Variants in SNTG2 observed in about 807,000 individuals in gnomAD.
SNTG2 encodes the protein syntrophin gamma 2.
SNTG2 carries 74 observed loss-of-function variants against 70.9 expected under a neutral mutation model. The observed-to-expected ratio is 1.04, with a 90% CI of 0.86 to 1.27. SNTG2 has a LOEUF of 1.27. Among genes scored for constraint, SNTG2 ranks in the 50% most tolerant of loss-of-function variants. SNTG2 has a pLI of 0.00. For missense variants in SNTG2, 717 were observed against 690.7 expected, an observed-to-expected ratio of 1.04 and a Z score of -0.43; for synonymous variants, 278 against 273.8, an observed-to-expected ratio of 1.02 and a Z score of -0.15.
intron 14 of SNTG2, among the ~76,000 whole-genome samples, chr2:1,294,422 G>T (rs1680116990): frequency 6.6e-6 from 1 of 152,212 alleles, no homozygotes; most frequent in South Asian, 2.1e-4. Flanking sequence ...AGAAATGAAT[G>T]AATTTATAAG....
chr2:1,222,267 G>A (rs922845655), intron 9 of SNTG2, among the ~76,000 whole-genome samples: 50 of 152,246 alleles, frequency 3.3e-4, no homozygotes, highest in African/African-American at 9.9e-4. Context: ...AGGGATTAGC[G>A]CCCTGTCTAT....
At chr2:1,002,597 C>G (rs564497024) in intron 1 of SNTG2, among the ~76,000 whole-genome samples, 9 of 150,680 alleles carry the variant, frequency 6.0e-5, no homozygotes, top group Non-Finnish European at 1.3e-4. Flanking sequence ...AAATTAAAAA[C>G]AGATGTGTAT....
At chr2:955,483 T>C (rs1247077202) in intron 1 of SNTG2, among the ~76,000 whole-genome samples, 1 of 152,234 alleles carries the variant, frequency 6.6e-6, no homozygotes, top group Non-Finnish European at 1.5e-5. Flanking sequence ...ACTTTCTTCT[T>C]GTACTCAGCC....
At chr2:1,085,633 A>T (rs749092711) in intron 2 of SNTG2, among the ~76,000 whole-genome samples, 22 of 152,384 alleles carry the variant, frequency 1.4e-4, no homozygotes, top group Non-Finnish European at 2.8e-4. Flanking sequence ...AACAAAGCCA[A>T]CAGGTCTCTA....
chr2:1,036,987 A>C (rs984411099), intron 1 of SNTG2, among the ~76,000 whole-genome samples: 2 of 119,808 alleles, frequency 1.7e-5, no homozygotes, highest in African/African-American at 7.8e-5. Flanking sequence ...AGGTGAGGGC[A>C]GTATGGGGTG....
intron 4 of SNTG2, among the ~76,000 whole-genome samples, chr2:1,111,382 G>A (rs1294722891): frequency 3.3e-5 from 5 of 152,174 alleles, no homozygotes; most frequent in East Asian, 1.9e-4. Flanking sequence ...GGGAGTCAGC[G>A]TACGGCCGGG....
intron 16 of SNTG2, among the ~76,000 whole-genome samples, chr2:1,348,179 A>G (rs1182640704): frequency 6.6e-6 from 1 of 152,172 alleles, no homozygotes; most frequent in Non-Finnish European, 1.5e-5. Flanking sequence ...CATGCCCTTT[A>G]TATGTTTTAT....
intron 12 of SNTG2, among the ~76,000 whole-genome samples, chr2:1,250,716 G>A (rs1677705552): frequency 7.1e-6 from 1 of 140,766 alleles, no homozygotes. Flanking sequence ...TCTCTCTGTT[G>A]GTCTCTCCCT....
intron 4 of SNTG2, among the ~76,000 whole-genome samples, chr2:1,119,008 G>C (rs894323070): frequency 6.6e-6 from 1 of 152,056 alleles, no homozygotes; most frequent in Non-Finnish European, 1.5e-5. Flanking sequence ...GGCAAAAAAA[G>C]GATAATTTTA....
At chr2:1,003,873 G>A (rs1198936541) in intron 1 of SNTG2, among the ~76,000 whole-genome samples, 13 of 152,048 alleles carry the variant, frequency 8.5e-5, no homozygotes. Flanking sequence ...TAAACTTTTT[G>A]TTATTTCTCA....
intron 1 of SNTG2, among the ~76,000 whole-genome samples, chr2:1,069,284 G>T (rs1663360299): frequency 6.6e-6 from 1 of 151,732 alleles, no homozygotes; most frequent in South Asian, 2.1e-4. Context: ...ATATGATGTG[G>T]GGCATTAAAA....
At chr2:1,073,201 A>G (rs568522592) in intron 1 of SNTG2, among the ~76,000 whole-genome samples, 51 of 152,338 alleles carry the variant, frequency 3.3e-4, no homozygotes, top group African/African-American at 1.2e-3. Flanking sequence ...AAGAAGTTGT[A>G]CTGTGTGTAA....
intron 4 of SNTG2, among the ~76,000 whole-genome samples, chr2:1,132,203 A>G (rs1368866969): frequency 6.7e-6 from 1 of 150,210 alleles, no homozygotes; most frequent in Non-Finnish European, 1.5e-5. Context: ...GTGTGTGTAT[A>G]TATATGTGTA....
chr2:1,308,435 A>T, intron 14 of SNTG2, 59 bp from the exon 15 acceptor site: 8 of 1,447,188 alleles, frequency 5.5e-6, no homozygotes, highest in Admixed American at 2.0e-5. Context: ...GAGACTACCT[A>T]ATTAAAGTTA....
chr2:956,160 GCC>G lies in SNTG2; in HGVS notation c.72+5094_72+5095del, dbSNP rs1491178507. 7.6e-3 allele frequency among the ~76,000 whole-genome samples: 453 copies of G among 59,866 alleles called. 2 individuals carry two copies. The highest frequency in any genetic ancestry group is 0.017 in the Middle Eastern group (1 of 58). 39.3% of individuals were successfully genotyped at this position (59,866 alleles called of 152,430 possible). The stretch of plus-strand genomic sequence containing the variant: ...CCCACCGCGCCCCGCCCCTGCCCCT[GCC>G]CTGCACCTACCCCTGCCCTGCACCT... On this transcript the variant is annotated intron_variant, in intron 1 of 16. Coordinates refer to ENST00000308624, the MANE Select transcript of SNTG2 (RefSeq NM_018968.4).
intron 9 of SNTG2, among the ~76,000 whole-genome samples, chr2:1,229,051 T>C (rs1469627711): frequency 6.6e-6 from 1 of 152,126 alleles, no homozygotes; most frequent in Non-Finnish European, 1.5e-5. Context: ...GTGTTACAGC[T>C]CATAAAAGCA....
At chr2:1,090,804 T>C (rs1384435416) in intron 2 of SNTG2, among the ~76,000 whole-genome samples, 1 of 152,112 alleles carries the variant, frequency 6.6e-6, no homozygotes, top group Non-Finnish European at 1.5e-5. Context: ...ACCAGTTGAG[T>C]CCACCCAGAG....
At chr2:1,196,555 G>T (rs1051652730) in intron 8 of SNTG2, among the ~76,000 whole-genome samples, 8 of 152,076 alleles carry the variant, frequency 5.3e-5, no homozygotes, top group Non-Finnish European at 1.0e-4. Flanking sequence ...ACCCAAAAAG[G>T]TCTTCTTCAT....
intron 7 of SNTG2, among the ~76,000 whole-genome samples, chr2:1,172,819 G>A (rs1008157497): frequency 5.9e-5 from 9 of 152,162 alleles, no homozygotes; most frequent in African/African-American, 1.9e-4. Context: ...GCTGCTGGGG[G>A]CACACCTTCC....
Sources: allele counts gnomAD v4.1 joint callset (sites outside exome capture counted in the v4.1 genomes callset), GRCh38; gene constraint gnomAD v4.1.1; transcripts MANE v1.5; gene names NCBI Gene and HGNC (gene_info 2026-07-23, HGNC 2026-07-21).